The following WDR49 variants were observed in gnomAD, a reference collection of about 807,000 sequenced individuals.
WDR49 encodes cilia- and flagella-associated protein 337.
WDR49 carries 107 observed loss-of-function variants against 119.5 expected under a neutral mutation model. The observed-to-expected ratio is 0.90, with a 90% CI of 0.77 to 1.05. WDR49 has a LOEUF of 1.05. Among genes scored for constraint, WDR49 ranks in the 50% least tolerant of loss-of-function variants. The probability of loss-of-function intolerance (pLI) is 0.00; values close to 1 mark genes in which losing one functional copy is unlikely to be tolerated. For missense variants in WDR49, 1,240 were observed against 1,220.5 expected, an observed-to-expected ratio of 1.02 and a Z score of -0.24; for synonymous variants, 425 against 418.8, an observed-to-expected ratio of 1.01 and a Z score of -0.18.
intron 16 of WDR49, among the ~76,000 whole-genome samples, chr3:167,521,380 C>T (rs1306866104): frequency 1.3e-5 from 2 of 152,124 alleles, no homozygotes; most frequent in African/African-American, 4.8e-5. Flanking sequence ...TGCACATCTG[C>T]CAAGCCTCAA....
At chr3:167,573,817 C>G (rs546314171) in intron 8 of WDR49, among the ~76,000 whole-genome samples, 1 of 152,170 alleles carries the variant, frequency 6.6e-6, no homozygotes, top group Non-Finnish European at 1.5e-5. Flanking sequence ...GATCCCTTTA[C>G]TGCTTTAACT....
intron 16 of WDR49, among the ~76,000 whole-genome samples, chr3:167,509,324 A>G (rs1377839375): frequency 6.6e-6 from 1 of 152,170 alleles, no homozygotes; most frequent in Non-Finnish European, 1.5e-5. Context: ...AGAGAAGGGT[A>G]TCTGTGAGAT....
intron 7 of WDR49, among the ~76,000 whole-genome samples, chr3:167,598,285 A>G (rs925285307): frequency 5.9e-5 from 9 of 151,790 alleles, no homozygotes; most frequent in African/African-American, 2.2e-4. Flanking sequence ...AGCGTGGGTG[A>G]CAGAGCAAGA....
chr3:167,601,793 C>T (rs1715784970), intron 7 of WDR49, among the ~76,000 whole-genome samples: 1 of 152,068 alleles, frequency 6.6e-6, no homozygotes. Context: ...TTTATCTTAT[C>T]AAAGCAACAT....
intron 18 of WDR49, among the ~76,000 whole-genome samples, chr3:167,479,209 T>C (rs1313787531): frequency 2.0e-5 from 3 of 152,160 alleles, no homozygotes; most frequent in South Asian, 2.1e-4. Flanking sequence ...AGTTTGTTCT[T>C]TTAATGCATA....
intron 18 of WDR49, among the ~76,000 whole-genome samples, chr3:167,492,966 A>T (rs955856002): frequency 5.9e-5 from 9 of 152,142 alleles, no homozygotes; most frequent in Admixed American, 4.6e-4. Context: ...TCCGTTATCA[A>T]TGTATTGCCC....
intron 6 of WDR49, among the ~76,000 whole-genome samples, chr3:167,602,748 A>G (rs1257660836): frequency 6.6e-6 from 1 of 152,206 alleles, no homozygotes; most frequent in East Asian, 1.9e-4. Flanking sequence ...AATCAAGTAC[A>G]GTCATGCATT....
In WDR49 at chr3:167,653,263, C is replaced by CA. The variant is rs774116618; in HGVS notation, c.162dup (p.Glu55Ter). On this transcript the variant is annotated frameshift_variant, in exon 2 of 19. Coordinates refer to ENST00000682715, the MANE Select transcript of WDR49 (RefSeq NM_001366157.1). LOFTEE classifies it high-confidence loss of function. ...TGGTCAATAAGCTTCACACTTACCT[C>CA]AAAGGCCTTCTGTATTTTTACAAAG... 1.5e-4 allele frequency: 232 copies of CA among 1,536,036 alleles called. No individual in the cohort carries two copies. Among genetic ancestry groups the CA allele is most frequent in the Admixed American group, 2.6e-4 (13 of 50,972 alleles).
chr3:167,578,437 C>T (rs1224915988), intron 7 of WDR49, among the ~76,000 whole-genome samples: 2 of 151,988 alleles, frequency 1.3e-5, no homozygotes, highest in Non-Finnish European at 2.9e-5. Flanking sequence ...TATAATTGTG[C>T]ACACATGTGT....
chr3:167,510,141 T>C (rs1404344478), intron 16 of WDR49, among the ~76,000 whole-genome samples: 1 of 152,162 alleles, frequency 6.6e-6, no homozygotes, highest in East Asian at 1.9e-4. Flanking sequence ...TCCCAGCACT[T>C]TGGGAGGCCG....
intron 7 of WDR49, among the ~76,000 whole-genome samples, chr3:167,591,893 A>G (rs4331675): frequency 0.016 from 2,462 of 152,126 alleles, 65 homozygotes; most frequent in African/African-American, 0.057. Flanking sequence ...TTAACATTCA[A>G]TGCTATTATT....
At chr3:167,629,992 G>C (rs1167513464) in intron 2 of WDR49, among the ~76,000 whole-genome samples, 3 of 152,092 alleles carry the variant, frequency 2.0e-5, no homozygotes, top group Admixed American at 2.0e-4. Flanking sequence ...TGACAACAAA[G>C]ATGTAGACTA....
chr3:167,528,977 G>C (rs895775047), intron 14 of WDR49, 75 bp downstream of exon 14: 29 of 1,265,020 alleles, frequency 2.3e-5, no homozygotes, highest in Non-Finnish European at 1.1e-5. Flanking sequence ...GACAGACAAG[G>C]CTTGATTCAT....
chr3:167,529,302 C>T, intron 13 of WDR49, 63 bp from the exon 14 acceptor site: 1 of 1,442,230 alleles, frequency 6.9e-7, no homozygotes, highest in South Asian at 1.5e-5. Context: ...ATAACTTCTT[C>T]AGTGGCTTTC....
At chr3:167,557,834 C>G (rs1438542007) in intron 9 of WDR49, among the ~76,000 whole-genome samples, 1 of 151,792 alleles carries the variant, frequency 6.6e-6, no homozygotes, top group African/African-American at 2.4e-5. Context: ...AGAATAGTGC[C>G]TGGTTCATAG....
At chr3:167,555,729 G>A (rs1047800216) in intron 9 of WDR49, among the ~76,000 whole-genome samples, 1 of 152,072 alleles carries the variant, frequency 6.6e-6, no homozygotes, top group Non-Finnish European at 1.5e-5. Flanking sequence ...GTGGCCAGAG[G>A]TGTGTATTGC....
At chr3:167,584,197 A>G (rs990848761) in intron 7 of WDR49, among the ~76,000 whole-genome samples, 8 of 152,152 alleles carry the variant, frequency 5.3e-5, no homozygotes. Flanking sequence ...TCCATTAGAA[A>G]CAACCTCAAG....
chr3:167,500,398 A>T (rs1751517146), intron 17 of WDR49, 99 bp from the exon 18 acceptor site: 1 of 1,435,912 alleles, frequency 7.0e-7, no homozygotes, highest in Non-Finnish European at 9.4e-7. Context: ...TAACTTTTAT[A>T]AATTTAACCT....
chr3:167,514,626 C>A (rs1752122225), intron 16 of WDR49, among the ~76,000 whole-genome samples: 1 of 98,422 alleles, frequency 1.0e-5, no homozygotes, highest in Non-Finnish European at 2.1e-5. Flanking sequence ...GAAGGAGATG[C>A]AGACACACAC....
Sources: gnomAD v4.1 joint callset for allele counts (sites outside exome capture counted in the v4.1 genomes callset) on GRCh38, gnomAD v4.1.1 for gene constraint, MANE v1.5 for transcripts, NCBI Gene and HGNC (gene_info 2026-07-23, HGNC 2026-07-21) for gene names.